ASIP: variants seen among roughly 807,000 people sequenced by gnomAD.
The protein encoded by ASIP is agouti signaling protein, also known as agouti-signaling protein.
Under a neutral mutation model 10.3 loss-of-function variants are expected in ASIP, and 11 were observed. The observed-to-expected ratio is 1.07, with a 90% CI of 0.68 to 1.78. ASIP has a LOEUF of 1.78. ASIP is among the 40% of genes most tolerant of loss of function. The probability of loss-of-function intolerance (pLI) is 0.00; values close to 1 mark genes in which losing one functional copy is unlikely to be tolerated. For missense variants in ASIP, 180 were observed against 169.2 expected, an observed-to-expected ratio of 1.06 and a Z score of -0.35; for synonymous variants, 70 against 70.8, an observed-to-expected ratio of 0.99 and a Z score of 0.06.
At chr20:34,212,462 AAAGAAT>A (rs1215900832) in intron 1 of ASIP, among the ~76,000 whole-genome samples, 4 of 152,316 alleles carry the variant, frequency 2.6e-5, no homozygotes, top group East Asian at 3.8e-4. Context: ...GTGAATTTCC[AAAGAAT>A]AAGAATATTT....
intron 3 of ASIP, among the ~76,000 whole-genome samples, chr20:34,266,545 C>T (rs991433186): frequency 1.3e-5 from 2 of 151,650 alleles, no homozygotes; most frequent in Non-Finnish European, 2.9e-5. Flanking sequence ...TGGTGGTGCA[C>T]GCCTGTAATC....
chr20:34,211,385 T>A (rs1447214178), intron 1 of ASIP, among the ~76,000 whole-genome samples: 1 of 152,256 alleles, frequency 6.6e-6, no homozygotes, highest in African/African-American at 2.4e-5. Flanking sequence ...ATTTTAATTT[T>A]ATATATACTT....
chr20:34,214,021 G>C (rs572328857), intron 1 of ASIP: 485 of 1,464,114 alleles, frequency 3.3e-4, no homozygotes, highest in Non-Finnish European at 4.4e-4. Context: ...CCTCATTAAG[G>C]CTTCTTTCCT....
chr20:34,242,682 A>G (rs1215010711), intron 1 of ASIP, among the ~76,000 whole-genome samples: 1 of 152,278 alleles, frequency 6.6e-6, no homozygotes, highest in African/African-American at 2.4e-5. Flanking sequence ...GAACTAATGC[A>G]TACATATTCT....
intron 1 of ASIP, among the ~76,000 whole-genome samples, chr20:34,226,601 G>A (rs909072919): frequency 3.3e-5 from 5 of 152,144 alleles, no homozygotes; most frequent in Admixed American, 6.5e-5. Context: ...TGATCCACCC[G>A]CCTCAGCCTC....
chr20:34,218,820 G>A (rs2035026760), intron 1 of ASIP, among the ~76,000 whole-genome samples: 3 of 151,826 alleles, frequency 2.0e-5, no homozygotes, highest in Non-Finnish European at 2.9e-5. Flanking sequence ...CCGCCACCAC[G>A]CCCAGCTAAT....
chr20:34,245,333 C>CAA (rs1257990215), intron 1 of ASIP, among the ~76,000 whole-genome samples: 11 of 63,572 alleles, frequency 1.7e-4, no homozygotes, highest in East Asian at 5.1e-4. Flanking sequence ...GACTCTGTCT[C>CAA]AAAAAAAAAA....
chr20:34,265,493 C>T (rs977902796), intron 3 of ASIP, among the ~76,000 whole-genome samples: 4 of 151,810 alleles, frequency 2.6e-5, no homozygotes, highest in Non-Finnish European at 5.9e-5. Context: ...CACTGCACTC[C>T]AGCCTGGGCA....
At chr20:34,233,246 C>T (rs958270391) in intron 1 of ASIP, among the ~76,000 whole-genome samples, 1 of 147,356 alleles carries the variant, frequency 6.8e-6, no homozygotes, top group Non-Finnish European at 1.5e-5. Flanking sequence ...CTCCTGGGTT[C>T]ACCCCATTCT....
intron 1 of ASIP, among the ~76,000 whole-genome samples, chr20:34,211,267 T>C (rs1287488119): frequency 1.3e-5 from 2 of 152,248 alleles, no homozygotes; most frequent in Non-Finnish European, 2.9e-5. Flanking sequence ...ACTCCTGATC[T>C]TAAATGATCC....
intron 1 of ASIP, among the ~76,000 whole-genome samples, chr20:34,236,107 AGGAAAGGAAAGGAGT>A (rs1008959125): frequency 8.6e-5 from 13 of 151,192 alleles, no homozygotes; most frequent in East Asian, 3.9e-4. Flanking sequence ...GGAGAAAGAA[AGGAAAGGAAAGGAGT>A]GGAAAGGAAA....
chr20:34,235,223 T>C (rs930129357), intron 1 of ASIP, among the ~76,000 whole-genome samples: 4 of 152,162 alleles, frequency 2.6e-5, no homozygotes, highest in African/African-American at 9.7e-5. Flanking sequence ...GGGCAGATCA[T>C]GAAGTCAGGA....
rs551072652 is a variant in ASIP at position 34,217,306 on chromosome 20, T to G, written c.-11+22546T>G. On this transcript the variant is annotated intron_variant, in intron 1 of 3. Transcript: ENST00000568305. The stretch of plus-strand genomic sequence containing the variant: ...TACAAAAATTAACCGGGCGTGGTGG[T>G]GGGTGCCTGTAGTCCCAGTTACTCC... Among the ~76,000 whole-genome samples the G allele has an allele frequency of 4.0e-3, 610 of 151,508 alleles. 4 individuals carry two copies. Among genetic ancestry groups the G allele is most frequent in the African/African-American group, 0.014 (587 of 41,196 alleles).
chr20:34,240,490 GT>G (rs1245015843), upstream of ASIP, among the ~76,000 whole-genome samples: 1 of 152,198 alleles, frequency 6.6e-6, no homozygotes, highest in East Asian at 1.9e-4. Flanking sequence ...CAGCGTCATA[GT>G]TTTTGAGTCT....
At chr20:34,226,631 G>A (rs2035095115) in intron 1 of ASIP, among the ~76,000 whole-genome samples, 1 of 152,116 alleles carries the variant, frequency 6.6e-6, no homozygotes. Flanking sequence ...TAGGATTATA[G>A]GAATGAGCCA....
At chr20:34,221,201 A>AC (rs1298975802) in intron 1 of ASIP, among the ~76,000 whole-genome samples, 2 of 150,890 alleles carry the variant, frequency 1.3e-5, no homozygotes, top group East Asian at 3.9e-4. Flanking sequence ...ACACGGTGAA[A>AC]CCCCATCTCT....
At chr20:34,215,595 AG>A in intron 1 of ASIP, 1 of 1,487,118 alleles carries the variant, frequency 6.7e-7, no homozygotes. Context: ...TTTGGTATAA[AG>A]GTCTTCTCTG....
At chr20:34,267,309 C>T (rs986561571) in intron 3 of ASIP, among the ~76,000 whole-genome samples, 15 of 151,758 alleles carry the variant, frequency 9.9e-5, no homozygotes, top group African/African-American at 3.6e-4. Flanking sequence ...TCTGGGAAGG[C>T]CTCTGTAAGG....
In ASIP at chr20:34,214,902, T is replaced by C. The variant is rs1568748616; in HGVS notation, c.-11+20142T>C. ...CCACTTTTGTTTCAATAGCTTGTAG[T>C]GCCTCTTGAGCATTCTTAATATTCC... On this transcript the variant is annotated intron_variant, in intron 1 of 3. Transcript: ENST00000568305. The C allele has an allele frequency of 2.6e-6, 4 of 1,555,436 alleles. No individual in the cohort carries two copies. In the African/African-American group the frequency reaches 5.4e-5, roughly 21 times the overall value.
Sources: allele counts gnomAD v4.1 joint callset (sites outside exome capture counted in the v4.1 genomes callset), GRCh38; gene constraint gnomAD v4.1.1; transcripts MANE v1.5; gene names NCBI Gene and HGNC (gene_info 2026-07-23, HGNC 2026-07-21).